Variants in FARP2 observed in about 807,000 individuals in gnomAD.
FARP2 encodes FERM, ARHGEF and pleckstrin domain-containing protein 2.
A neutral mutation model predicts 130.5 loss-of-function variants in FARP2; 111 were observed. The observed-to-expected ratio is 0.85, with a 90% confidence interval of 0.73 to 1.00. The LOEUF (loss-of-function observed/expected upper bound fraction) is 1.00. Among genes scored for constraint, FARP2 ranks in the 50% least tolerant of loss-of-function variants. The probability of loss-of-function intolerance (pLI) is 0.00; values close to 1 mark genes in which losing one functional copy is unlikely to be tolerated. For missense variants in FARP2, 1,385 were observed against 1,346.3 expected (o/e 1.03, Z -0.45); for synonymous variants, 504 against 516.9 (o/e 0.98, Z 0.34).
At chr2:241,376,748 G>A (rs138106664) in intron 2 of FARP2, among the ~76,000 whole-genome samples, 236 of 152,356 alleles carry the variant, frequency 1.5e-3, no homozygotes, top group African/African-American at 4.3e-3. Context: ...TTTGCTGTTG[G>A]ACCTGTAGAC....
chr2:241,443,056 C>T (rs142504678), intron 13 of FARP2: 55 of 217,312 alleles, frequency 2.5e-4, no homozygotes, highest in African/African-American at 1.2e-3. Context: ...GCCATGGCCT[C>T]CTGTGTGCTG....
chr2:241,472,851 G>A (rs535066109), intron 18 of FARP2, among the ~76,000 whole-genome samples: 23 of 150,176 alleles, frequency 1.5e-4, no homozygotes, highest in African/African-American at 4.9e-4. Context: ...GCTGTTCTGC[G>A]GGGACCCTGT....
At chr2:241,490,667 G>A (rs549471761) in intron 22 of FARP2, among the ~76,000 whole-genome samples, 7 of 152,306 alleles carry the variant, frequency 4.6e-5, no homozygotes, top group African/African-American at 9.6e-5. Context: ...ACTCTGCAGC[G>A]CCCTGGCCAG....
chr2:241,406,483 G>A (rs1047402390), intron 4 of FARP2, among the ~76,000 whole-genome samples: 6 of 151,968 alleles, frequency 3.9e-5, no homozygotes, highest in Non-Finnish European at 8.8e-5. Context: ...ATCTCGTTCT[G>A]TCACCCAGCC....
intron 1 of FARP2, among the ~76,000 whole-genome samples, chr2:241,366,995 A>G (rs975284648): frequency 6.6e-6 from 1 of 152,052 alleles, no homozygotes; most frequent in African/African-American, 2.4e-5. Context: ...ACAGCTTGGT[A>G]GATACCTTTC....
At chr2:241,485,976 C>G (rs2064743499) in intron 21 of FARP2, among the ~76,000 whole-genome samples, 1 of 152,254 alleles carries the variant, frequency 6.6e-6, no homozygotes, top group Admixed American at 6.5e-5. Flanking sequence ...AGCGCCAAAA[C>G]CCTCAGGCAG....
chr2:241,447,367 G>A (rs1302185991), intron 13 of FARP2, among the ~76,000 whole-genome samples: 1 of 152,112 alleles, frequency 6.6e-6, no homozygotes, highest in Non-Finnish European at 1.5e-5. Flanking sequence ...AAGGCCAGTG[G>A]GGAAAGGTGC....
At chr2:241,446,435 C>G (rs1319490977) in intron 13 of FARP2, 1 of 152,128 alleles carries the variant, frequency 6.6e-6, no homozygotes, top group Non-Finnish European at 1.5e-5. Flanking sequence ...TTTTGAATTG[C>G]TTTGGTGTAC....
chr2:241,449,715 C>G (rs1166634695), intron 13 of FARP2, among the ~76,000 whole-genome samples: 1 of 151,270 alleles, frequency 6.6e-6, no homozygotes, highest in Non-Finnish European at 1.5e-5. Flanking sequence ...AATCACCTGC[C>G]AGACCGGGCG....
chr2:241,372,483 A>G lies in FARP2; in HGVS notation c.-24-601A>G, dbSNP rs566277828. On this transcript the variant is annotated intron_variant, in intron 1 of 26. Transcript: ENST00000264042. ...GGCAAAGACAAACCTGGCTGTTTTCATCTCCTTTATTGGCATTTTTCCTCA... is the reference window on the plus strand; with the variant it reads ...GGCAAAGACAAACCTGGCTGTTTTCGTCTCCTTTATTGGCATTTTTCCTCA... 2.0e-5 allele frequency: 3 copies of G among 152,332 alleles called. No homozygotes were observed. In the South Asian group the frequency reaches 6.2e-4, roughly 32 times the overall value. 9.4% of individuals were successfully genotyped at this position (152,332 alleles called of 1,614,324 possible).
chr2:241,367,571 A>G (rs937378763), intron 1 of FARP2, among the ~76,000 whole-genome samples: 2 of 152,122 alleles, frequency 1.3e-5, no homozygotes, highest in Admixed American at 6.5e-5. Context: ...GCTGCAGTGG[A>G]CTTTCATATT....
Position 241,477,719 on chromosome 2 carries a change from C to G in FARP2, c.2262+1732C>G, listed in dbSNP as rs541743361. Among the ~76,000 whole-genome samples the G allele has an allele frequency of 3.3e-5, 5 of 152,324 alleles. No individual in the cohort carries two copies. The East Asian group carries it at 9.6e-4, about 29-fold the overall frequency. On this transcript the variant is annotated intron_variant, in intron 19 of 26. Coordinates refer to ENST00000264042, the MANE Select transcript of FARP2 (RefSeq NM_014808.4). ...AACTCGTATGAGACTTCCAGTTTCT[C>G]ACATCATGTGTCACTTTTTGGTTCT...
intron 13 of FARP2, among the ~76,000 whole-genome samples, chr2:241,452,739 G>A (rs903089573): frequency 2.0e-5 from 3 of 151,800 alleles, no homozygotes; most frequent in Admixed American, 1.3e-4. Context: ...TCATGAGTTC[G>A]AGACCAGCCT....
intron 2 of FARP2, among the ~76,000 whole-genome samples, chr2:241,379,854 G>A (rs1342218708): frequency 6.6e-6 from 1 of 152,224 alleles, no homozygotes; most frequent in East Asian, 1.9e-4. Context: ...CTCTGCCCTA[G>A]CTTTTAAAAC....
At chr2:241,452,889 C>T (rs188966729) in intron 13 of FARP2, among the ~76,000 whole-genome samples, 144 of 150,182 alleles carry the variant, frequency 9.6e-4, no homozygotes, top group African/African-American at 3.4e-3. Context: ...TGCAGTGAGC[C>T]GAGATCATGC....
intron 24 of FARP2, among the ~76,000 whole-genome samples, chr2:241,492,145 C>A (rs1286195190): frequency 6.6e-6 from 1 of 152,194 alleles, no homozygotes; most frequent in Non-Finnish European, 1.5e-5. Context: ...CACACCCTTC[C>A]CCAAGCCTGC....
At chr2:241,487,949 C>T (rs1437314539) in intron 21 of FARP2, among the ~76,000 whole-genome samples, 5 of 151,684 alleles carry the variant, frequency 3.3e-5, no homozygotes, top group East Asian at 3.9e-4. Context: ...GGGGTTTCAC[C>T]GTGTTAGGCA....
At chr2:241,493,823 C>T in intron 26 of FARP2, 185 bp from the exon 27 acceptor site, 1 of 533,132 alleles carries the variant, frequency 1.9e-6, no homozygotes, top group Non-Finnish European at 3.4e-6. Context: ...TCTCGAACTC[C>T]TGACCTCAAG....
intron 17 of FARP2, among the ~76,000 whole-genome samples, chr2:241,465,251 A>G (rs1469741078): frequency 1.3e-5 from 2 of 152,114 alleles, no homozygotes; most frequent in Non-Finnish European, 2.9e-5. Context: ...GGGTCTGCCC[A>G]GAACAGCATC....
Sources: gnomAD v4.1 joint callset for allele counts (sites outside exome capture counted in the v4.1 genomes callset) on GRCh38, gnomAD v4.1.1 for gene constraint, MANE v1.5 for transcripts, NCBI Gene and HGNC (gene_info 2026-07-23, HGNC 2026-07-21) for gene names.